The following MYEF2 variants were observed in gnomAD, a reference collection of about 807,000 sequenced individuals.
The protein encoded by MYEF2 is myelin expression factor 2.
A neutral mutation model predicts 75.2 loss-of-function variants in MYEF2; 37 were observed. The ratio of observed to expected loss-of-function variants is 0.49; its 90% confidence interval spans 0.38 to 0.65. The LOEUF is 0.65. MYEF2 is among the 30% of genes least tolerant of loss of function. MYEF2 has a pLI of 0.00. For missense variants in MYEF2, 634 were observed against 771.4 expected (o/e 0.82, Z 2.11); for synonymous variants, 195 against 241.6 (o/e 0.81, Z 1.79).
intron 1 of MYEF2, among the ~76,000 whole-genome samples, chr15:48,174,399 T>C (rs2040443896): frequency 3.3e-5 from 5 of 151,896 alleles, no homozygotes; most frequent in Admixed American, 3.3e-4. Flanking sequence ...TGATTTTTTT[T>C]TTTTTTGATA....
Position 48,143,333 on chromosome 15 carries a change from A to G in MYEF2, c.1640-262T>C, listed in dbSNP as rs181887428. Among the ~76,000 whole-genome samples the G allele has an allele frequency of 2.5e-3, 381 of 152,238 alleles. 1 individual carries two copies. The highest frequency in any genetic ancestry group is 6.8e-3 in the South Asian group (33 of 4,826). On this transcript the variant is annotated intron_variant, in intron 16 of 16. Transcript: ENST00000324324. ...TGTATTTTATTTATGTTAAATCCCT[A>G]ATTCCTGAGGTTAATTTTATAAGCA... is the stretch of plus-strand genomic sequence containing the variant.
chr15:48,138,745 C>A lies in MYEF2; in HGVS notation c.*4163G>T. 2.1e-6 allele frequency: 1 copy of A among 481,784 alleles called. No homozygotes were observed. Among genetic ancestry groups the A allele is most frequent in the South Asian group, 3.0e-5 (1 of 33,584 alleles). 29.8% of individuals were successfully genotyped at this position (481,784 alleles called of 1,614,324 possible). A position where few individuals can be genotyped will look rare whatever the true frequency, so the allele number is the denominator to read the frequency against. ...CCAAGACATTTTTATAGATTTAAGG[C>A]CCCAAATAAAGAAATGCGGAGTATC... On this transcript the variant is annotated 3_prime_UTR_variant, in exon 17 of 17. Coordinates refer to ENST00000324324, the MANE Select transcript of MYEF2 (RefSeq NM_016132.5).
chr15:48,143,938 G>C (rs1597283659), intron 16 of MYEF2, among the ~76,000 whole-genome samples: 1 of 151,990 alleles, frequency 6.6e-6, no homozygotes, highest in Non-Finnish European at 1.5e-5. Context: ...ATAAGTAACA[G>C]ATGTAAAGGG....
chr15:48,152,169 A>G, intron 11 of MYEF2, 65 bp downstream of exon 11: 2 of 1,439,874 alleles, frequency 1.4e-6, no homozygotes, highest in Non-Finnish European at 9.7e-7. Context: ...GGAATTCTCA[A>G]CACAGTTTCT....
chr15:48,138,852 A>G lies in MYEF2; in HGVS notation c.*4056T>C, dbSNP rs749364346. 1 of 752,614 alleles carries G rather than the reference A, an allele frequency of 1.3e-6. No homozygotes were observed. 46.6% of individuals were successfully genotyped at this position (752,614 alleles called of 1,614,324 possible). The stretch of plus-strand genomic sequence containing the variant: ...AGTAATGAGGTACTCAAATGTTTTA[A>G]ACAGCCTTTTAAAAACTGATACAGC... On this transcript the variant is annotated 3_prime_UTR_variant, in exon 17 of 17. Transcript: ENST00000324324.
At chr15:48,160,294 T>C (rs1447176010) in intron 5 of MYEF2, among the ~76,000 whole-genome samples, 1 of 152,130 alleles carries the variant, frequency 6.6e-6, no homozygotes, top group Non-Finnish European at 1.5e-5. Context: ...GTAAATTTTA[T>C]TCCTGAACAA....
chr15:48,168,900 T>C (rs1220981603), intron 1 of MYEF2, 61 bp from the exon 2 acceptor site: 10 of 1,275,572 alleles, frequency 7.8e-6, no homozygotes, highest in African/African-American at 1.5e-5. Flanking sequence ...AGAATGGAAG[T>C]CTATATTAAA....
chr15:48,165,653 C>A (rs911448359), intron 5 of MYEF2, among the ~76,000 whole-genome samples: 2 of 151,746 alleles, frequency 1.3e-5, no homozygotes, highest in African/African-American at 4.8e-5. Flanking sequence ...AAACTTAGCA[C>A]CTAAAGTTTA....
At chr15:48,160,009 T>C (rs1336442136) in intron 5 of MYEF2, among the ~76,000 whole-genome samples, 1 of 152,054 alleles carries the variant, frequency 6.6e-6, no homozygotes. Context: ...GAGATGTCAG[T>C]TAATTTTTTT....
chr15:48,158,121 A>G, intron 8 of MYEF2, 54 bp downstream of exon 8: 1 of 1,611,110 alleles, frequency 6.2e-7, no homozygotes. Flanking sequence ...TGTAGAAGAG[A>G]GCCAATAAAA....
At position 48,136,740 on chromosome 15, in the gene MYEF2, T is replaced by C. The variant is rs374944618; in HGVS notation, c.*6168A>G. The C allele has an allele frequency of 7.4e-6, 12 of 1,613,472 alleles. No homozygotes were observed. The highest frequency in any genetic ancestry group is 1.3e-5 in the African/African-American group (1 of 74,918). On this transcript the variant is annotated 3_prime_UTR_variant, in exon 17 of 17. Coordinates refer to ENST00000324324, the MANE Select transcript of MYEF2 (RefSeq NM_016132.5). ...GATTGTATGTTTTGGTGCTGTGTTT[T>C]GACATTAAAATTAACCAATATATTA...
chr15:48,169,534 A>G (rs2040247792), intron 1 of MYEF2, among the ~76,000 whole-genome samples: 1 of 152,120 alleles, frequency 6.6e-6, no homozygotes, highest in Non-Finnish European at 1.5e-5. Context: ...AATATTACCT[A>G]CAATGGGTAA....
rs562133637 is a variant in MYEF2, at chr15:48,136,798, G to T, written c.*6110C>A. The T allele has an allele frequency of 1.2e-6, 2 of 1,613,794 alleles. No homozygotes were observed. The highest frequency in any genetic ancestry group is 1.7e-6 in the Non-Finnish European group (2 of 1,179,830). On this transcript the variant is annotated 3_prime_UTR_variant, in exon 17 of 17. Transcript: ENST00000324324. ...ATGCAGTCCTTGCTGCGCCTGTCTT[G>T]CCAAAGCTATGGAGAGAAGTGAACA... is the stretch of plus-strand genomic sequence containing the variant.
intron 6 of MYEF2, among the ~76,000 whole-genome samples, chr15:48,159,289 ACAAATATCAAGACTAAAAAAAGAAAT>A (rs1272049549): frequency 6.6e-6 from 1 of 152,252 alleles, no homozygotes; most frequent in East Asian, 1.9e-4. Context: ...ATGCATATTC[ACAAATATCAAGACTAAAAAAAGAAAT>A]CCATTTACCA....
rs779266638 is a variant in MYEF2, at chr15:48,141,260, A to G, written c.*1648T>C. 37 of 1,426,350 alleles carry G rather than the reference A, an allele frequency of 2.6e-5. No individual in the cohort carries two copies. Among genetic ancestry groups the G allele is most frequent in the Non-Finnish European group, 3.6e-5 (36 of 1,013,340 alleles). The allele number at this position is 1,426,350 out of a possible 1,614,324, so 88.4% of individuals were successfully genotyped here. A position where few individuals can be genotyped will look rare whatever the true frequency, so the allele number is the denominator to read the frequency against. ...GCTGCAATGGTCATTCTACAAGGCT[A>G]GAATGAGTAAAAGTAGCTTTAAAAA... On this transcript the variant is annotated 3_prime_UTR_variant, in exon 17 of 17. Transcript: ENST00000324324.
At position 48,135,186 on chromosome 15, in the gene MYEF2, C is replaced by G. The variant is rs902899082; in HGVS notation, c.*7722G>C. ...TTGCAATTTCTTCTTAATCACTTCACAGTCTCCTTTTTTCTCTCACTAGTC... is the reference window on the plus strand; with the variant it reads ...TTGCAATTTCTTCTTAATCACTTCAGAGTCTCCTTTTTTCTCTCACTAGTC... On this transcript the variant is annotated 3_prime_UTR_variant, in exon 17 of 17. Coordinates refer to ENST00000324324, the MANE Select transcript of MYEF2 (RefSeq NM_016132.5). 13 of 434,142 alleles carry G rather than the reference C, an allele frequency of 3.0e-5. No homozygotes were observed. Among genetic ancestry groups the G allele is most frequent in the Non-Finnish European group, 8.4e-6 (2 of 239,390 alleles). 26.9% of individuals were successfully genotyped at this position (434,142 alleles called of 1,614,324 possible).
chr15:48,158,849 A>G lies in MYEF2; in HGVS notation c.791T>C (p.Ile264Thr). 6.2e-7 allele frequency: 1 copy of G among 1,613,748 alleles called. No homozygotes were observed. The highest frequency in any genetic ancestry group is 8.5e-7 in the Non-Finnish European group (1 of 1,179,802). The stretch of plus-strand genomic sequence containing the variant: ...GCTCTTGCCATCTTTGTCTTCTTTA[A>G]TATCTGCCCGCTTCACAGTTCCAGC... ...SIAGTVKRAD[I>T]KEDKDGKSRG... is the part of the protein sequence containing the mutation. Residue 264 changes from isoleucine to threonine, a missense_variant, in exon 7 of 17, where the codon ATT (isoleucine) becomes ACT (threonine). By Grantham distance (89) the Ile-to-Thr change is moderately conservative. Transcript: ENST00000324324.
intron 10 of MYEF2, 189 bp from the exon 11 acceptor site, chr15:48,152,473 A>T (rs910317950): frequency 6.2e-6 from 3 of 480,922 alleles, no homozygotes; most frequent in Non-Finnish European, 7.4e-6. Context: ...AATCTTCAAA[A>T]GGGTTTCTTT....
At chr15:48,166,168 A>G in intron 3 of MYEF2, 40 bp from the exon 4 acceptor site, 2 of 1,505,110 alleles carry the variant, frequency 1.3e-6, no homozygotes, top group East Asian at 2.3e-5. Context: ...CAAAAGAAAA[A>G]AAGTTTTAGA....
Sources: allele counts gnomAD v4.1 joint callset (sites outside exome capture counted in the v4.1 genomes callset), GRCh38; gene constraint gnomAD v4.1.1; transcripts MANE v1.5; gene names NCBI Gene and HGNC (gene_info 2026-07-23, HGNC 2026-07-21).